Variants in NXPE2 observed in about 807,000 individuals in gnomAD.
The protein encoded by NXPE2 is NXPE family member 2.
NXPE2 carries 34 observed loss-of-function variants against 34.4 expected under a neutral mutation model. The observed-to-expected ratio is 0.99, with a 90% CI of 0.75 to 1.31. The LOEUF (loss-of-function observed/expected upper bound fraction) is 1.31. NXPE2 is among the 40% of genes most tolerant of loss of function. The pLI is 0.00. For synonymous variants in NXPE2, 235 were observed against 231.3 expected (o/e 1.02, Z -0.15); for missense variants, 649 against 672.5 (o/e 0.97, Z 0.39).
At chr11:114,702,113 G>T (rs1297619323) in intron 3 of NXPE2, among the ~76,000 whole-genome samples, 7 of 152,120 alleles carry the variant, frequency 4.6e-5, no homozygotes, top group African/African-American at 1.7e-4. Context: ...TAAGAGTTTT[G>T]TGGATAATCG....
chr11:114,629,174 A>G, the NXPE2 span, among the ~76,000 whole-genome samples: 22,070 of 152,050 alleles, frequency 0.15, 2,058 homozygotes, highest in East Asian at 0.38. Flanking sequence ...TCATTTTATG[A>G]GGCCAGCATC....
chr11:114,776,941 CA>C, the NXPE2 span, among the ~76,000 whole-genome samples: 2 of 152,080 alleles, frequency 1.3e-5, no homozygotes, highest in African/African-American at 4.8e-5. Context: ...ATTAATGTCC[CA>C]ATAACTTAAT....
chr11:114,574,976 TC>T, the NXPE2 span, among the ~76,000 whole-genome samples: 2 of 152,162 alleles, frequency 1.3e-5, no homozygotes, highest in Admixed American at 6.5e-5. Flanking sequence ...CAATGGCATA[TC>T]AAAAAGATAA....
chr11:114,606,895 C>G, the NXPE2 span, among the ~76,000 whole-genome samples: 2 of 151,868 alleles, frequency 1.3e-5, no homozygotes, highest in Admixed American at 6.6e-5. Context: ...TCATGGGTAA[C>G]CACTGTTACC....
the NXPE2 span, among the ~76,000 whole-genome samples, chr11:114,517,437 A>G: frequency 6.6e-6 from 1 of 152,070 alleles, no homozygotes; most frequent in Non-Finnish European, 1.5e-5. Flanking sequence ...ACTCTGTTTT[A>G]TTTTGATTCT....
the NXPE2 span, among the ~76,000 whole-genome samples, chr11:114,760,053 G>A: frequency 6.6e-6 from 1 of 151,922 alleles, no homozygotes; most frequent in African/African-American, 2.4e-5. Flanking sequence ...AGACAACTCA[G>A]GCCTTTTTTC....
chr11:114,492,317 C>T, the NXPE2 span, among the ~76,000 whole-genome samples: 1 of 151,744 alleles, frequency 6.6e-6, no homozygotes, highest in Non-Finnish European at 1.5e-5. Context: ...CTCTTGTTAT[C>T]GATTTGTAGT....
the NXPE2 span, among the ~76,000 whole-genome samples, chr11:114,475,041 A>G: frequency 2.0e-5 from 3 of 152,240 alleles, no homozygotes; most frequent in South Asian, 6.2e-4. Context: ...TAGGAACATT[A>G]AAAATTAAAA....
the NXPE2 span, among the ~76,000 whole-genome samples, chr11:114,639,359 G>A: frequency 6.6e-6 from 1 of 151,958 alleles, no homozygotes; most frequent in Non-Finnish European, 1.5e-5. Context: ...GATTTTCCAG[G>A]TGCCGTCTGT....
At chr11:114,562,783 C>T in the NXPE2 span, among the ~76,000 whole-genome samples, 2 of 152,122 alleles carry the variant, frequency 1.3e-5, no homozygotes, top group African/African-American at 2.4e-5. Context: ...AGATAAGGCT[C>T]GATCTGTGGT....
At chr11:114,657,908 G>A in the NXPE2 span, among the ~76,000 whole-genome samples, 2 of 152,084 alleles carry the variant, frequency 1.3e-5, no homozygotes, top group Admixed American at 6.6e-5. Context: ...AATCAAAGAC[G>A]AATAGAATAC....
chr11:114,708,775 T>C (rs897874186), downstream of NXPE2, among the ~76,000 whole-genome samples: 2 of 152,236 alleles, frequency 1.3e-5, no homozygotes, highest in Non-Finnish European at 2.9e-5. Flanking sequence ...TTCTAATTCC[T>C]CCTTTAGGAA....
chr11:114,798,985 C>CA, the NXPE2 span, among the ~76,000 whole-genome samples: 1 of 152,202 alleles, frequency 6.6e-6, no homozygotes, highest in African/African-American at 2.4e-5. Context: ...CCTTGCCGCT[C>CA]TCACTAGAAG....
chr11:114,710,021 C>T (rs1019138096), downstream of NXPE2, among the ~76,000 whole-genome samples: 3 of 151,852 alleles, frequency 2.0e-5, no homozygotes, highest in Admixed American at 6.6e-5. Context: ...GAAGAACACA[C>T]GAGGGATTTA....
chr11:114,574,097 T>G, the NXPE2 span, among the ~76,000 whole-genome samples: 1 of 152,116 alleles, frequency 6.6e-6, no homozygotes, highest in Non-Finnish European at 1.5e-5. Context: ...TTAAATAACC[T>G]GCTCTTGAAT....
At chr11:114,796,725 C>A in the NXPE2 span, among the ~76,000 whole-genome samples, 365 of 152,280 alleles carry the variant, frequency 2.4e-3, 11 homozygotes, top group East Asian at 0.066. Context: ...CTTCACAGAC[C>A]AAACAGTCTA....
the NXPE2 span, among the ~76,000 whole-genome samples, chr11:114,472,421 G>A: frequency 7.2e-5 from 11 of 152,112 alleles, no homozygotes; most frequent in African/African-American, 2.7e-4. Context: ...ATCTTATAAT[G>A]TTTTAAGAAA....
At chr11:114,746,460 G>C in the NXPE2 span, among the ~76,000 whole-genome samples, 6 of 152,218 alleles carry the variant, frequency 3.9e-5, no homozygotes, top group Non-Finnish European at 8.8e-5. Context: ...TACAAAACCA[G>C]AGGTGCGTGA....
the NXPE2 span, among the ~76,000 whole-genome samples, chr11:114,480,497 TGAA>T: frequency 6.6e-6 from 1 of 152,194 alleles, no homozygotes; most frequent in Admixed American, 6.5e-5. Context: ...AGAGCTTTTC[TGAA>T]GAAGGAAGCT....
Sources: gnomAD v4.1 joint callset for allele counts (sites outside exome capture counted in the v4.1 genomes callset) on GRCh38, gnomAD v4.1.1 for gene constraint, MANE v1.5 for transcripts, NCBI Gene and HGNC (gene_info 2026-07-23, HGNC 2026-07-21) for gene names.